The following QTMAN variants were observed in gnomAD, a reference collection of about 807,000 sequenced individuals.
QTMAN encodes queuosine-tRNA mannosyltransferase.
chr2:144,220,447 T>C, the QTMAN span, among the ~76,000 whole-genome samples: 1 of 152,228 alleles, frequency 6.6e-6, no homozygotes, highest in Non-Finnish European at 1.5e-5. Flanking sequence ...GTGACTTTTA[T>C]CTATTTAGTG....
At chr2:143,952,614 ACTC>A in the QTMAN span, among the ~76,000 whole-genome samples, 1 of 151,758 alleles carries the variant, frequency 6.6e-6, no homozygotes, top group African/African-American at 2.4e-5. Context: ...ATATAAGCTT[ACTC>A]TAATGTATTA....
At chr2:143,962,762 C>A in the QTMAN span, among the ~76,000 whole-genome samples, 1 of 152,154 alleles carries the variant, frequency 6.6e-6, no homozygotes, top group Non-Finnish European at 1.5e-5. Flanking sequence ...GAGGCAAGAA[C>A]AACTTTTGTC....
the QTMAN span, among the ~76,000 whole-genome samples, chr2:144,206,266 T>C: frequency 6.6e-6 from 1 of 152,194 alleles, no homozygotes; most frequent in Admixed American, 6.5e-5. Context: ...AGTTTAATGA[T>C]TTCATGCACT....
the QTMAN span, among the ~76,000 whole-genome samples, chr2:144,157,478 C>A: frequency 6.6e-6 from 1 of 151,908 alleles, no homozygotes. Flanking sequence ...TTGTACATAA[C>A]AATGGTCTAG....
the QTMAN span, among the ~76,000 whole-genome samples, chr2:144,275,151 G>A: frequency 1.3e-5 from 2 of 152,246 alleles, no homozygotes; most frequent in Non-Finnish European, 2.9e-5. Flanking sequence ...TTGGGAGGCC[G>A]AGGCAGGCAG....
At chr2:144,206,421 A>G in the QTMAN span, among the ~76,000 whole-genome samples, 3 of 152,208 alleles carry the variant, frequency 2.0e-5, no homozygotes, top group African/African-American at 7.2e-5. Context: ...TAAACTTAGT[A>G]TCATGCTATC....
At chr2:143,998,050 A>G in the QTMAN span, among the ~76,000 whole-genome samples, 1 of 152,176 alleles carries the variant, frequency 6.6e-6, no homozygotes, top group Admixed American at 6.5e-5. Flanking sequence ...AAGATCAGCT[A>G]TATCAGTATT....
At chr2:144,026,441 A>AAAT in the QTMAN span, among the ~76,000 whole-genome samples, 1 of 152,176 alleles carries the variant, frequency 6.6e-6, no homozygotes, top group East Asian at 1.9e-4. Flanking sequence ...AAAAATAAAT[A>AAAT]AATAAATAAA....
the QTMAN span, among the ~76,000 whole-genome samples, chr2:144,063,263 T>C: frequency 6.6e-6 from 1 of 152,140 alleles, no homozygotes; most frequent in Non-Finnish European, 1.5e-5. Flanking sequence ...GCTCATATCA[T>C]AAATTACAGC....
the QTMAN span, among the ~76,000 whole-genome samples, chr2:144,203,190 T>TGTGTGC: frequency 7.8e-5 from 11 of 140,862 alleles, no homozygotes; most frequent in Non-Finnish European, 1.1e-4. Context: ...TGTGTGTGTG[T>TGTGTGC]GCACGTGCGC....
the QTMAN span, among the ~76,000 whole-genome samples, chr2:144,184,229 T>C: frequency 1.3e-5 from 2 of 152,184 alleles, no homozygotes; most frequent in Non-Finnish European, 2.9e-5. Context: ...CTATACTGAA[T>C]ATAAGTGGGC....
the QTMAN span, chr2:144,237,269 C>T: frequency 6.6e-6 from 1 of 152,024 alleles, no homozygotes; most frequent in Admixed American, 6.6e-5. Flanking sequence ...AATCTTCACT[C>T]CAATCTCAGA....
the QTMAN span, among the ~76,000 whole-genome samples, chr2:143,980,774 C>CT: frequency 6.6e-6 from 1 of 152,190 alleles, no homozygotes; most frequent in Non-Finnish European, 1.5e-5. Context: ...GAGCTTACGA[C>CT]TCCCTCTGCC....
chr2:144,260,539 T>C, the QTMAN span, among the ~76,000 whole-genome samples: 3 of 152,128 alleles, frequency 2.0e-5, no homozygotes, highest in Non-Finnish European at 4.4e-5. Context: ...TAAATCTGAC[T>C]CAGAAGAGCA....
At chr2:144,247,324 G>A in the QTMAN span, among the ~76,000 whole-genome samples, 3 of 152,188 alleles carry the variant, frequency 2.0e-5, no homozygotes, top group Non-Finnish European at 2.9e-5. Flanking sequence ...GGGACAAAAA[G>A]CAAAGCAAAT....
chr2:144,280,461 T>C, the QTMAN span, among the ~76,000 whole-genome samples: 10 of 152,226 alleles, frequency 6.6e-5, no homozygotes, highest in South Asian at 2.1e-3. Flanking sequence ...CAAAAGGCAG[T>C]GCAGGATTTT....
the QTMAN span, among the ~76,000 whole-genome samples, chr2:144,058,119 C>CT: frequency 8.8e-6 from 1 of 113,998 alleles, no homozygotes; most frequent in African/African-American, 4.5e-5. Context: ...GAACCCCCCT[C>CT]CCCCACCCCG....
At chr2:144,225,006 G>A in the QTMAN span, among the ~76,000 whole-genome samples, 1 of 152,170 alleles carries the variant, frequency 6.6e-6, no homozygotes, top group Admixed American at 6.5e-5. Context: ...ATACAGAGTT[G>A]AGGAAATGTG....
At chr2:144,262,920 GGAGAGGGGA>G in the QTMAN span, among the ~76,000 whole-genome samples, 1 of 93,958 alleles carries the variant, frequency 1.1e-5, no homozygotes, top group Admixed American at 1.0e-4. Flanking sequence ...GGAGGAGAGG[GGAGAGGGGA>G]GAGGGAAGAG....
Sources: gnomAD v4.1 joint callset for allele counts (sites outside exome capture counted in the v4.1 genomes callset) on GRCh38, gnomAD v4.1.1 for gene constraint, MANE v1.5 for transcripts, NCBI Gene and HGNC (gene_info 2026-07-23, HGNC 2026-07-21) for gene names.